Variants in DNAH7 observed in about 807,000 individuals in gnomAD.
DNAH7 encodes axonemal beta dynein heavy chain 7.
Under a neutral mutation model 444.6 loss-of-function variants are expected in DNAH7, and 397 were observed. The ratio of observed to expected loss-of-function variants is 0.89; its 90% CI spans 0.82 to 0.97. The LOEUF is 0.97. Among genes scored for constraint, DNAH7 ranks in the 50% least tolerant of loss-of-function variants. The pLI, the probability that DNAH7 is intolerant of heterozygous loss-of-function variation, is 0.00. For synonymous variants in DNAH7, 1,636 were observed against 1,624.4 expected (o/e 1.01, Z -0.17); for missense variants, 4,902 against 4,800.8 (o/e 1.02, Z -0.62).
chr2:195,742,225 G>T (rs958509845), intron 63 of DNAH7, among the ~76,000 whole-genome samples: 3 of 152,122 alleles, frequency 2.0e-5, no homozygotes, highest in African/African-American at 4.8e-5. Context: ...CAGCTCTAAG[G>T]CCTGTCCATC....
intron 46 of DNAH7, among the ~76,000 whole-genome samples, chr2:195,851,955 T>C (rs1699393582): frequency 6.6e-6 from 1 of 152,032 alleles, no homozygotes; most frequent in South Asian, 2.1e-4. Context: ...ATTTTAAACA[T>C]TTAGTTAAAA....
Position 195,861,781 on chromosome 2 carries a change from C to A in DNAH7, c.7672G>T (p.Val2558Leu). The change falls in exon 42 of 65, where the codon GTG becomes TTG. Residue 2558 changes from valine (V) to leucine (L), a missense_variant. Physicochemically the swap from Val to Leu is conservative, Grantham distance 32. Coordinates refer to ENST00000312428, the MANE Select transcript of DNAH7 (RefSeq NM_018897.3). ...AATTCGAGGTAAGAGGTAGGAGTCA[C>A]ATAATTGTATCTTTGAAGTTCAACA... The part of the protein sequence containing the change: ...FFVELQRYNY[V>L]TPTSYLELIS... 6.2e-7 allele frequency: 1 copy of A among 1,613,640 alleles called. No homozygotes were observed. The highest frequency in any genetic ancestry group is 8.5e-7 in the Non-Finnish European group (1 of 1,179,696).
chr2:195,781,107 T>C (rs188926760), intron 58 of DNAH7, among the ~76,000 whole-genome samples: 26 of 152,166 alleles, frequency 1.7e-4, no homozygotes, highest in African/African-American at 5.5e-4. Flanking sequence ...TCAGGAAGAA[T>C]TGCAGAACAT....
At chr2:195,885,875 G>A (rs921134339) in intron 34 of DNAH7, among the ~76,000 whole-genome samples, 1 of 152,164 alleles carries the variant, frequency 6.6e-6, no homozygotes, top group East Asian at 1.9e-4. Flanking sequence ...TCTAAGGCTG[G>A]TCAAAAGACC....
intron 2 of DNAH7, among the ~76,000 whole-genome samples, chr2:196,055,839 C>G (rs1047421741): frequency 1.3e-5 from 2 of 152,192 alleles, no homozygotes; most frequent in African/African-American, 4.8e-5. Flanking sequence ...AACCCCATCA[C>G]TGCCACCACC....
intron 57 of DNAH7, among the ~76,000 whole-genome samples, chr2:195,792,378 C>CA (rs897607200): frequency 3.1e-5 from 4 of 127,158 alleles, no homozygotes; most frequent in African/African-American, 9.0e-5. Flanking sequence ...GTTGAAAGTA[C>CA]AAAAAAACCA....
intron 63 of DNAH7, among the ~76,000 whole-genome samples, chr2:195,742,902 T>C (rs1465721694): frequency 2.6e-5 from 4 of 152,152 alleles, no homozygotes; most frequent in African/African-American, 9.7e-5. Context: ...GTATGCAAAA[T>C]ATTATTCCTG....
At chr2:195,929,945 C>T (rs1688580070) in intron 21 of DNAH7, among the ~76,000 whole-genome samples, 1 of 152,200 alleles carries the variant, frequency 6.6e-6, no homozygotes, top group African/African-American at 2.4e-5. Flanking sequence ...AACCTATAGA[C>T]TGTGAGAAAA....
intron 23 of DNAH7, among the ~76,000 whole-genome samples, chr2:195,922,667 C>T (rs992994662): frequency 5.3e-5 from 8 of 152,178 alleles, no homozygotes; most frequent in South Asian, 2.1e-4. Context: ...CACCCCATAC[C>T]TCCCAAGACT....
chr2:195,966,119 C>G lies in DNAH7; in HGVS notation c.2205+3829G>C, dbSNP rs184595512. ...TAAATTTCCCCCTTAGCACTGCTTTCACTAGATACCATATGTTTTGTTATG... is the reference window on the plus strand; with the variant it reads ...TAAATTTCCCCCTTAGCACTGCTTTGACTAGATACCATATGTTTTGTTATG... On this transcript the variant is annotated intron_variant, in intron 17 of 64. Transcript: ENST00000312428. 2.0e-5 allele frequency among the ~76,000 whole-genome samples: 3 copies of G among 152,080 alleles called. No individual in the cohort carries two copies. The East Asian group carries it at 5.8e-4, about 29-fold the overall frequency.
chr2:195,964,595 G>A (rs1461153462), intron 17 of DNAH7, among the ~76,000 whole-genome samples: 1 of 145,414 alleles, frequency 6.9e-6, no homozygotes, highest in African/African-American at 2.6e-5. Flanking sequence ...GGCCGGGCAC[G>A]GTGGCTCACG....
chr2:195,853,598 C>A, intron 45 of DNAH7, 70 bp from the exon 46 acceptor site: 1 of 1,410,616 alleles, frequency 7.1e-7, no homozygotes, highest in Admixed American at 2.6e-5. Flanking sequence ...CAAGATTTTA[C>A]CCTCAGAAGT....
chr2:195,976,148 G>A (rs1692172670), intron 15 of DNAH7, among the ~76,000 whole-genome samples: 1 of 151,840 alleles, frequency 6.6e-6, no homozygotes, highest in Non-Finnish European at 1.5e-5. Context: ...TCCAGGCCTT[G>A]GCTGTTAGGA....
At chr2:195,903,618 T>A (rs954505318) in intron 27 of DNAH7, 1 of 152,172 alleles carries the variant, frequency 6.6e-6, no homozygotes, top group Non-Finnish European at 1.5e-5. Context: ...TTTGTCTAAA[T>A]GTAACAGGAT....
chr2:195,768,525 G>C (rs188477167), intron 61 of DNAH7, among the ~76,000 whole-genome samples: 13 of 151,914 alleles, frequency 8.6e-5, no homozygotes, highest in Admixed American at 7.9e-4. Flanking sequence ...TGTGCTTATA[G>C]CTTTGCATAC....
rs577827958 is a variant in DNAH7, at chr2:195,958,108, A to G, written c.2892-661T>C. On this transcript the variant is annotated intron_variant, in intron 18 of 64. Coordinates refer to ENST00000312428, the MANE Select transcript of DNAH7 (RefSeq NM_018897.3). Reference sequence around the variant, plus strand: ...TTCAACTGTGTAGGTCCACTTTTACACGGATTTTTTTCAATAAAGGTTACA... The same window carrying G: ...TTCAACTGTGTAGGTCCACTTTTACGCGGATTTTTTTCAATAAAGGTTACA... 1.2e-3 allele frequency among the ~76,000 whole-genome samples: 179 copies of G among 151,798 alleles called. 2 individuals are homozygous for G. The highest frequency in any genetic ancestry group is 4.2e-3 in the African/African-American group (172 of 41,356).
intron 19 of DNAH7, among the ~76,000 whole-genome samples, chr2:195,943,798 T>G (rs1205435353): frequency 1.3e-5 from 2 of 152,200 alleles, no homozygotes; most frequent in Non-Finnish European, 2.9e-5. Context: ...TTGGACAATA[T>G]ATTAAATGAT....
rs112659767 is a variant in DNAH7, at chr2:195,863,264, A to G, written c.7506+885T>C. Among the ~76,000 whole-genome samples the G allele has an allele frequency of 4.5e-3, 679 of 152,364 alleles. 4 individuals are homozygous for G. Among genetic ancestry groups the G allele is most frequent in the African/African-American group, 0.016 (655 of 41,584 alleles). Reference sequence around the variant, plus strand: ...TAATTTTACCAGGAAGTAGAGATACAGAGAGGTTCTGTAAACTTTCCAAGG... The same window carrying G: ...TAATTTTACCAGGAAGTAGAGATACGGAGAGGTTCTGTAAACTTTCCAAGG... On this transcript the variant is annotated intron_variant, in intron 41 of 64. Transcript: ENST00000312428.
At chr2:195,909,956 T>C in intron 25 of DNAH7, 71 bp downstream of exon 25, 1 of 1,419,412 alleles carries the variant, frequency 7.0e-7, no homozygotes, top group Non-Finnish European at 9.5e-7. Context: ...TTGTATTCAA[T>C]TATGTTGCAT....
Sources: gnomAD v4.1 joint callset for allele counts (sites outside exome capture counted in the v4.1 genomes callset) on GRCh38, gnomAD v4.1.1 for gene constraint, MANE v1.5 for transcripts, NCBI Gene and HGNC (gene_info 2026-07-23, HGNC 2026-07-21) for gene names.